TMEM120A: variants seen among roughly 807,000 people sequenced by gnomAD.
TMEM120A encodes transmembrane protein 120A.
A neutral mutation model predicts 54.3 loss-of-function variants in TMEM120A; 45 were observed. That is an observed-to-expected ratio of 0.83 (90% confidence interval 0.65 to 1.06). TMEM120A has a LOEUF of 1.06. Ranked by LOEUF, TMEM120A falls within the 50% of genes least tolerant of loss-of-function variation. The pLI is 0.00. For missense variants in TMEM120A, 424 were observed against 441.7 expected, an observed-to-expected ratio of 0.96 and a Z score of 0.36; for synonymous variants, 204 against 178.5, an observed-to-expected ratio of 1.14 and a Z score of -1.14.
At chr7:75,990,010 AACAG>A (rs1392236251) in intron 3 of TMEM120A, among the ~76,000 whole-genome samples, 2 of 152,174 alleles carry the variant, frequency 1.3e-5, no homozygotes, top group Non-Finnish European at 2.9e-5. Flanking sequence ...ACTCAAGCCA[AACAG>A]ACAGAGGCTC....
rs373139417 is a variant in TMEM120A at position 75,988,248 on chromosome 7, C to T, written c.563+4G>A. On this transcript the variant is annotated splice_donor_region_variant and intron_variant, in intron 6 of 11. Coordinates refer to ENST00000493111, the MANE Select transcript of TMEM120A (RefSeq NM_031925.3). ...TCCCCTCCCTCAGGGCCCGCCCTGC[C>T]CACCGGGAGCCGTTGTTGATGAGGA... 5.0e-5 allele frequency: 80 copies of T among 1,611,900 alleles called. 1 individual carries two copies. The highest frequency in any genetic ancestry group is 2.3e-4 in the South Asian group (21 of 91,086).
Position 75,986,936 on chromosome 7 carries a change from T to TG in TMEM120A, c.*235dup. The stretch of plus-strand genomic sequence containing the variant: ...ACTCAGACCCCAGGAACCCATGTGG[T>TG]GGGGCCACCCAGCCCTCCCCTCCCC... On this transcript the variant is annotated 3_prime_UTR_variant, in exon 12 of 12. Coordinates refer to ENST00000493111, the MANE Select transcript of TMEM120A (RefSeq NM_031925.3). 1 of 597,052 alleles carries TG rather than the reference T, an allele frequency of 1.7e-6. No homozygotes were observed. Among genetic ancestry groups the TG allele is most frequent in the South Asian group, 2.1e-5 (1 of 48,144 alleles). The allele number at this position is 597,052 out of a possible 1,614,324, so 37.0% of individuals were successfully genotyped here. A position where few individuals can be genotyped will look rare whatever the true frequency, so the allele number is the denominator to read the frequency against.
chr7:75,988,561 C>CA, intron 4 of TMEM120A, 45 bp from the exon 5 acceptor site: 1 of 1,394,132 alleles, frequency 7.2e-7, no homozygotes, highest in Non-Finnish European at 1.0e-6. Context: ...CTGGTGGGGC[C>CA]CATGTGTGCC....
At chr7:75,993,962 C>T (rs924070399) in intron 1 of TMEM120A, among the ~76,000 whole-genome samples, 3 of 150,048 alleles carry the variant, frequency 2.0e-5, no homozygotes, top group African/African-American at 7.4e-5. Context: ...ACCCCTCCCA[C>T]CCGTCCCACC....
Position 75,987,881 on chromosome 7 carries a change from C to T in TMEM120A, c.691+42G>A, listed in dbSNP as rs377066136. 74 of 1,598,428 alleles carry T rather than the reference C, an allele frequency of 4.6e-5. No homozygotes were observed. In the Middle Eastern group the frequency reaches 4.9e-4, roughly 11 times the overall value. On this transcript the variant is annotated intron_variant, in intron 8 of 11. Coordinates refer to ENST00000493111, the MANE Select transcript of TMEM120A (RefSeq NM_031925.3). The stretch of plus-strand genomic sequence containing the variant: ...GGTTCCCTGCCCCTGCCCCCCACCA[C>T]GGGTGCCTCCAGGGCTCAGCACAGA...
At chr7:75,990,873 T>C (rs954609747) in intron 3 of TMEM120A, among the ~76,000 whole-genome samples, 5 of 129,788 alleles carry the variant, frequency 3.9e-5, no homozygotes, top group Non-Finnish European at 7.7e-5. Context: ...CACTCCAGCC[T>C]AGCGACAGAG....
intron 5 of TMEM120A, 37 bp from the exon 6 acceptor site, chr7:75,988,378 G>T (rs367807607): frequency 6.3e-7 from 1 of 1,584,190 alleles, no homozygotes; most frequent in Non-Finnish European, 8.6e-7. Flanking sequence ...GTACTGCAGC[G>T]ACTGGGGATG....
intron 11 of TMEM120A, 26 bp downstream of exon 11, chr7:75,987,334 C>T (rs782466424): frequency 1.9e-6 from 3 of 1,564,418 alleles, no homozygotes; most frequent in Admixed American, 1.9e-5. Flanking sequence ...GCCCCCCATC[C>T]ATCCTGTCCA....
rs1435435385 is a variant in TMEM120A at position 75,992,025 on chromosome 7, ATTGC to A, written c.317+115_317+118del. ...TCCCCTGAAGTCAGCACTGTGCCTC[ATTGC>A]TCAGCCTGTACTGGGCCCAGGGAAC... On this transcript the variant is annotated intron_variant, in intron 3 of 11. Transcript: ENST00000493111. 4 of 687,864 alleles carry A rather than the reference ATTGC, an allele frequency of 5.8e-6. No homozygotes were observed. The African/African-American group carries it at 7.2e-5, about 12-fold the overall frequency. 42.6% of individuals were successfully genotyped at this position (687,864 alleles called of 1,614,324 possible).
Position 75,992,565 on chromosome 7 carries a change from C to A in TMEM120A, c.82-8G>T. 1 of 1,558,054 alleles carries A rather than the reference C, an allele frequency of 6.4e-7. No individual in the cohort carries two copies. Among genetic ancestry groups the A allele is most frequent in the Non-Finnish European group, 8.7e-7 (1 of 1,152,530 alleles). On this transcript the variant is annotated splice_polypyrimidine_tract_variant and splice_region_variant and intron_variant, in intron 1 of 11. Transcript: ENST00000493111. ...GTAGAGCCGATGGGTCTCCTGGGGGCCGGAGGGGAGAGGCTCAGGCCAGTT... is the reference window on the plus strand; with the variant it reads ...GTAGAGCCGATGGGTCTCCTGGGGGACGGAGGGGAGAGGCTCAGGCCAGTT...
At chr7:75,992,403 A>G (rs782817621) in intron 2 of TMEM120A, 36 bp downstream of exon 2, 1 of 1,580,844 alleles carries the variant, frequency 6.3e-7, no homozygotes, top group Non-Finnish European at 8.6e-7. Flanking sequence ...CCCACCCCAC[A>G]CTCTGCCCAT....
rs369106841 is a variant in TMEM120A at position 75,988,277 on chromosome 7, T to C, written c.538A>G (p.Ser180Gly). 15 of 1,611,944 alleles carry C rather than the reference T, an allele frequency of 9.3e-6. No individual in the cohort carries two copies. Among genetic ancestry groups the C allele is most frequent in the African/African-American group, 4.0e-5 (3 of 74,854 alleles). Residue 180 changes from serine to glycine, a missense_variant, in exon 6 of 12, where the codon AGC (serine) becomes GGC (glycine). Physicochemically the swap from Ser to Gly is moderately conservative, Grantham distance 56 (BLOSUM62 0). Coordinates refer to ENST00000493111, the MANE Select transcript of TMEM120A (RefSeq NM_031925.3). ...CGGGAGCCGTTGTTGATGAGGATGC[T>C]CTCCCGGATGGTCAGGGTGCAGTAG... ...WYYCTLTIRE[S>G]ILINNGSRIK...
At chr7:75,992,975 G>A (rs1481898653) in intron 1 of TMEM120A, among the ~76,000 whole-genome samples, 1 of 152,118 alleles carries the variant, frequency 6.6e-6, no homozygotes, top group African/African-American at 2.4e-5. Flanking sequence ...GCTAATTTTT[G>A]TATTTTTGTA....
rs1243601830 is a variant in TMEM120A, at chr7:75,986,976, C to T, written c.*196G>A. The T allele has an allele frequency of 7.0e-5, 43 of 611,392 alleles. 1 individual carries two copies. The highest frequency in any genetic ancestry group is 3.8e-4 in the East Asian group (14 of 36,416). 37.9% of individuals were successfully genotyped at this position (611,392 alleles called of 1,614,324 possible). On this transcript the variant is annotated 3_prime_UTR_variant, in exon 12 of 12. Transcript: ENST00000493111. The stretch of plus-strand genomic sequence containing the variant: ...CTCCCCTCCCCCAGGAGAACACACA[C>T]GCTCAGGCCACCTCTGGGCCTCTCT...
intron 1 of TMEM120A, 112 bp from the exon 2 acceptor site, chr7:75,992,669 G>T: frequency 1.4e-6 from 1 of 733,718 alleles, no homozygotes; most frequent in Non-Finnish European, 2.2e-6. Flanking sequence ...GTTTCGCTCA[G>T]CGGGAAAGGA....
chr7:75,994,446 G>C (rs1789979991), intron 1 of TMEM120A, 44 bp downstream of exon 1: 1 of 1,522,378 alleles, frequency 6.6e-7, no homozygotes, highest in Admixed American at 2.0e-5. Context: ...CTGAGCCAGC[G>C]AGACGCGGCT....
Position 75,990,342 on chromosome 7 carries a change from C to T in TMEM120A, c.318-1118G>A, listed in dbSNP as rs534960838. The stretch of plus-strand genomic sequence containing the variant: ...CAGGAGCACTGTGCCGGGAGCACTC[C>T]TCACTCTCATCTCTGCACCCTCCAT... On this transcript the variant is annotated intron_variant, in intron 3 of 11. Transcript: ENST00000493111. 2.0e-5 allele frequency among the ~76,000 whole-genome samples: 3 copies of T among 152,186 alleles called. No homozygotes were observed. In the South Asian group the frequency reaches 6.2e-4, roughly 32 times the overall value.
chr7:75,988,615 G>A (rs1416990876), intron 4 of TMEM120A, 99 bp from the exon 5 acceptor site: 12 of 555,094 alleles, frequency 2.2e-5, no homozygotes, highest in Admixed American at 2.0e-4. Context: ...TCGGATGGAG[G>A]AGAAGGCCGG....
Position 75,987,595 on chromosome 7 carries a change from G to A in TMEM120A, c.792C>T (p.Phe264=), listed in dbSNP as rs1554560198. 2.5e-6 allele frequency: 4 copies of A among 1,608,952 alleles called. No homozygotes were observed. The highest frequency in any genetic ancestry group is 3.4e-5 in the Admixed American group (2 of 59,400). The change falls in exon 10 of 12, where the codon TTC becomes TTT. Residue 264 remains phenylalanine, a synonymous_variant. Transcript: ENST00000493111. The stretch of plus-strand genomic sequence containing the variant: ...TGAGGCCCCGCCACATCCAGGACTG[G>A]AAGCCCTCTGCGGGGAGGAAGGTCA... ...RHTMDLTVEG[F]QSWMWRGLTF... is the part of the protein sequence containing the mutation.
Sources: gnomAD v4.1 joint callset for allele counts (sites outside exome capture counted in the v4.1 genomes callset) on GRCh38, gnomAD v4.1.1 for gene constraint, MANE v1.5 for transcripts, NCBI Gene and HGNC (gene_info 2026-07-23, HGNC 2026-07-21) for gene names.